NAPEPLD: variants seen among roughly 807,000 people sequenced by gnomAD.
The protein encoded by NAPEPLD is N-acyl-phosphatidylethanolamine-hydrolyzing phospholipase D.
In NAPEPLD, 23 loss-of-function variants were observed where a neutral mutation model predicts 38.1. The observed-to-expected ratio is 0.60, with a 90% CI of 0.43 to 0.86. The LOEUF (loss-of-function observed/expected upper bound fraction) is 0.86, where lower values mean the gene tolerates loss of function less well. NAPEPLD is among the 40% of genes least tolerant of loss of function. NAPEPLD has a pLI of 0.00. For missense variants in NAPEPLD, 411 were observed against 476.8 expected (o/e 0.86, Z 1.28); for synonymous variants, 147 against 162.0 (o/e 0.91, Z 0.71).
At chr7:103,105,402 G>A (rs1563343265) in intron 4 of NAPEPLD, among the ~76,000 whole-genome samples, 1 of 152,074 alleles carries the variant, frequency 6.6e-6, no homozygotes, top group Non-Finnish European at 1.5e-5. Context: ...TCAAAGTAAA[G>A]ACCCGGATCA....
intron 2 of NAPEPLD, among the ~76,000 whole-genome samples, chr7:103,121,944 G>C (rs1806785179): frequency 6.6e-6 from 1 of 152,132 alleles, no homozygotes; most frequent in Non-Finnish European, 1.5e-5. Context: ...CAGAGAAAAG[G>C]AAGAAGGGCA....
At chr7:103,103,982 T>C (rs963017491) in intron 4 of NAPEPLD, among the ~76,000 whole-genome samples, 3 of 152,110 alleles carry the variant, frequency 2.0e-5, no homozygotes, top group East Asian at 1.9e-4. Flanking sequence ...CTAGAGCAAA[T>C]TGTTTTGCTG....
At chr7:103,143,509 T>A (rs1477288790) in intron 1 of NAPEPLD, among the ~76,000 whole-genome samples, 1 of 152,174 alleles carries the variant, frequency 6.6e-6, no homozygotes, top group Non-Finnish European at 1.5e-5. Context: ...TGGTGACACT[T>A]TGAACAATGT....
At chr7:103,105,932 CAAAAAAAAA>C (rs1194781765) in intron 4 of NAPEPLD, among the ~76,000 whole-genome samples, 2 of 49,970 alleles carry the variant, frequency 4.0e-5, no homozygotes, top group African/African-American at 7.7e-5. Flanking sequence ...GACTCCGTCT[CAAAAAAAAA>C]AAAAAAAAAA....
chr7:103,141,611 C>T (rs757685531), intron 1 of NAPEPLD: 128 of 921,314 alleles, frequency 1.4e-4, no homozygotes, highest in Non-Finnish European at 1.8e-4. Context: ...CTTAGATTCA[C>T]GGTATCTTCT....
chr7:103,130,264 C>T (rs1220435219), intron 1 of NAPEPLD, among the ~76,000 whole-genome samples: 2 of 152,072 alleles, frequency 1.3e-5, no homozygotes, highest in Non-Finnish European at 2.9e-5. Flanking sequence ...ACTTTTTTTC[C>T]AAACTGTCTA....
At chr7:103,110,496 T>C (rs1340508317) in intron 4 of NAPEPLD, among the ~76,000 whole-genome samples, 1 of 152,148 alleles carries the variant, frequency 6.6e-6, no homozygotes, top group Non-Finnish European at 1.5e-5. Flanking sequence ...CATGATTGTC[T>C]CAATAGAAGC....
At chr7:103,135,872 G>A (rs1024331779) in intron 1 of NAPEPLD, among the ~76,000 whole-genome samples, 2 of 152,108 alleles carry the variant, frequency 1.3e-5, no homozygotes, top group Admixed American at 6.5e-5. Flanking sequence ...GAGTAACTCA[G>A]CCTCTCTAAA....
In NAPEPLD at chr7:103,101,742, A is replaced by G. The variant is rs1436377041; in HGVS notation, c.*1687T>C. 1 of 152,720 alleles carries G rather than the reference A, an allele frequency of 6.5e-6. No individual in the cohort carries two copies. The highest frequency in any genetic ancestry group is 1.9e-4 in the East Asian group (1 of 5,194). The allele number at this position is 152,720 out of a possible 1,614,324, so 9.5% of individuals were successfully genotyped here. A position where few individuals can be genotyped will look rare whatever the true frequency, so the allele number is the denominator to read the frequency against. ...ACACAAAAAAATCCATGATGAAAGCAGGGTAAAAGTTCAGATTTAGTGGCT... is the reference window on the plus strand; with the variant it reads ...ACACAAAAAAATCCATGATGAAAGCGGGGTAAAAGTTCAGATTTAGTGGCT... On this transcript the variant is annotated 3_prime_UTR_variant, in exon 5 of 5. Transcript: ENST00000465647.
intron 2 of NAPEPLD, among the ~76,000 whole-genome samples, chr7:103,123,406 C>T (rs1490085257): frequency 6.6e-6 from 1 of 152,064 alleles, no homozygotes; most frequent in African/African-American, 2.4e-5. Flanking sequence ...GGTTAGTGAA[C>T]AATGACATAT....
chr7:103,145,505 G>T (rs1049745211), intron 1 of NAPEPLD, among the ~76,000 whole-genome samples: 3 of 152,196 alleles, frequency 2.0e-5, no homozygotes, highest in Admixed American at 1.3e-4. Flanking sequence ...TGGTGGAAAA[G>T]CCTAATTTCA....
chr7:103,149,182 G>C, upstream of NAPEPLD: 1 of 991,670 alleles, frequency 1.0e-6, no homozygotes, highest in Middle Eastern at 5.2e-4. Flanking sequence ...CCTCCCGCGA[G>C]GTCCAACAGA....
At chr7:103,124,801 C>T (rs1401139085) in intron 2 of NAPEPLD, among the ~76,000 whole-genome samples, 4 of 152,208 alleles carry the variant, frequency 2.6e-5, no homozygotes, top group African/African-American at 9.6e-5. Flanking sequence ...CCAAGGCAGA[C>T]TGGGGTCACT....
intron 3 of NAPEPLD, among the ~76,000 whole-genome samples, chr7:103,119,201 T>G (rs183533854): frequency 2.6e-5 from 4 of 152,300 alleles, no homozygotes; most frequent in Admixed American, 2.6e-4. Flanking sequence ...GGTAACATCA[T>G]CCCTGATTTT....
chr7:103,115,757 C>CAA (rs746560326), intron 3 of NAPEPLD, among the ~76,000 whole-genome samples: 1 of 152,142 alleles, frequency 6.6e-6, no homozygotes, highest in Non-Finnish European at 1.5e-5. Flanking sequence ...TAAGTGCACT[C>CAA]AGAGTTGGCA....
At chr7:103,133,405 G>A (rs1458902256) in intron 1 of NAPEPLD, among the ~76,000 whole-genome samples, 1 of 152,212 alleles carries the variant, frequency 6.6e-6, no homozygotes, top group Non-Finnish European at 1.5e-5. Flanking sequence ...CGTAAAACCT[G>A]AGCCTTGAAA....
At chr7:103,119,490 C>A in intron 3 of NAPEPLD, 87 bp downstream of exon 3, 1 of 1,429,382 alleles carries the variant, frequency 7.0e-7, no homozygotes, top group African/African-American at 1.4e-5. Context: ...TCATAAATTA[C>A]AGTGTCACAA....
chr7:103,120,701 C>CTTTTTTTTTTTTTTTTTT (rs869141133), intron 2 of NAPEPLD, among the ~76,000 whole-genome samples: 4 of 82,504 alleles, frequency 4.8e-5, no homozygotes, highest in Non-Finnish European at 6.4e-5. Flanking sequence ...TGATATTTTT[C>CTTTTTTTTTTTTTTTTTT]TTTTTTTTTT....
intron 1 of NAPEPLD, among the ~76,000 whole-genome samples, chr7:103,146,291 G>A (rs1812545190): frequency 6.6e-6 from 1 of 151,580 alleles, no homozygotes. Flanking sequence ...GTTGCAGTCA[G>A]CCGAGATTGC....
Sources: allele counts gnomAD v4.1 joint callset (sites outside exome capture counted in the v4.1 genomes callset), GRCh38; gene constraint gnomAD v4.1.1; transcripts MANE v1.5; gene names NCBI Gene and HGNC (gene_info 2026-07-23, HGNC 2026-07-21).